Variants in RSF1 observed in about 807,000 individuals in gnomAD.
The protein encoded by RSF1 is HBV pX-associated protein 8.
RSF1 carries 13 observed loss-of-function variants against 145.2 expected under a neutral mutation model. The observed-to-expected ratio is 0.09, with a 90% CI of 0.06 to 0.14. RSF1 has a LOEUF of 0.14. RSF1 is among the 10% of genes least tolerant of loss of function. The pLI is 1.00. For synonymous variants in RSF1, 577 were observed against 592.6 expected, an observed-to-expected ratio of 0.97 and a Z score of 0.38; for missense variants, 1,517 against 1,718.2, an observed-to-expected ratio of 0.88 and a Z score of 2.07.
rs967117977 is a variant in RSF1, at chr11:77,661,522, G to C, written c.*5395C>G. 6.6e-6 allele frequency: 1 copy of C among 151,714 alleles called. No homozygotes were observed. The highest frequency in any genetic ancestry group is 1.5e-5 in the Non-Finnish European group (1 of 67,942). The allele number at this position is 151,714 out of a possible 1,614,324, so 9.4% of individuals were successfully genotyped here. ...ACAGGGCTTGTTACTCTAATTTCAA[G>C]GCTTGTCCACATAGCAGTTGACATG... On this transcript the variant is annotated 3_prime_UTR_variant, in exon 16 of 16. Transcript: ENST00000308488.
chr11:77,837,931 G>T, the RSF1 span, among the ~76,000 whole-genome samples: 1 of 152,078 alleles, frequency 6.6e-6, no homozygotes, highest in Admixed American at 6.6e-5. Context: ...AAATTAGCTG[G>T]ATATGGTGCC....
intron 1 of RSF1, among the ~76,000 whole-genome samples, chr11:77,810,654 G>A (rs1366680998): frequency 6.6e-6 from 1 of 152,104 alleles, no homozygotes; most frequent in Non-Finnish European, 1.5e-5. Flanking sequence ...TCTGCCTCCT[G>A]GGTTCAAGCA....
chr11:77,673,963 G>A lies in RSF1; in HGVS notation c.3562+1073C>T, dbSNP rs73506734. On this transcript the variant is annotated intron_variant, in intron 14 of 15. Coordinates refer to ENST00000308488, the MANE Select transcript of RSF1 (RefSeq NM_016578.4). ...AGATGTGAATAAACGCATAGCCCTGGAATGGATCCTGGGTTAGGAAAAGAA... is the reference window on the plus strand; with the variant it reads ...AGATGTGAATAAACGCATAGCCCTGAAATGGATCCTGGGTTAGGAAAAGAA... Among the ~76,000 whole-genome samples the A allele has an allele frequency of 1.9e-3, 288 of 152,186 alleles. 2 individuals carry two copies. Among genetic ancestry groups the A allele is most frequent in the Middle Eastern group, 6.8e-3 (2 of 294 alleles).
intron 4 of RSF1, among the ~76,000 whole-genome samples, chr11:77,727,951 A>T (rs1401681713): frequency 6.6e-6 from 1 of 152,250 alleles, no homozygotes; most frequent in Non-Finnish European, 1.5e-5. Flanking sequence ...TGAACAATTT[A>T]AAAAATCCTA....
chr11:77,676,279 CT>C (rs72097709), intron 13 of RSF1, among the ~76,000 whole-genome samples: 2,527 of 145,134 alleles, frequency 0.017, 16 homozygotes, highest in Non-Finnish European at 0.024. Context: ...TGCAGAATGA[CT>C]TTTTTTTTTT....
intron 5 of RSF1, chr11:77,717,648 G>A (rs1385947659): frequency 2.0e-5 from 3 of 152,154 alleles, no homozygotes; most frequent in Admixed American, 6.6e-5. Flanking sequence ...ATTTATTAAT[G>A]AACACATTGA....
intron 4 of RSF1, among the ~76,000 whole-genome samples, chr11:77,727,045 G>C (rs1278375365): frequency 6.6e-6 from 1 of 152,090 alleles, no homozygotes; most frequent in Non-Finnish European, 1.5e-5. Context: ...AAACATACAT[G>C]TTCATACATA....
At chr11:77,824,896 T>C (rs1291440896), upstream of RSF1, among the ~76,000 whole-genome samples, 1 of 152,230 alleles carries the variant, frequency 6.6e-6, no homozygotes, top group African/African-American at 2.4e-5. Flanking sequence ...TTAGCATTGG[T>C]ACCAGTCTGC....
rs533360579 is a variant in RSF1, at chr11:77,685,695, T to C, written c.2901-536A>G. On this transcript the variant is annotated intron_variant, in intron 9 of 15. Transcript: ENST00000308488. ...ATAACAATATCTTTCAGAAATGACT[T>C]ACATTGGTGAAATAAAACCTATAAC... Among the ~76,000 whole-genome samples the C allele has an allele frequency of 2.8e-3, 430 of 152,306 alleles. 26 individuals are homozygous for C. Among genetic ancestry groups the C allele is most frequent in the Middle Eastern group, 6.8e-3 (2 of 294 alleles).
upstream of RSF1, chr11:77,820,838 G>A (rs11237304): frequency 3.9e-4 from 398 of 1,017,610 alleles, 4 homozygotes; most frequent in African/African-American, 6.3e-3. Flanking sequence ...GCGGATCCCA[G>A]CGTCTCAGGG....
At chr11:77,777,812 C>T (rs1948357739) in intron 1 of RSF1, among the ~76,000 whole-genome samples, 1 of 151,608 alleles carries the variant, frequency 6.6e-6, no homozygotes, top group African/African-American at 2.4e-5. Context: ...TAACAAGACC[C>T]TGTCTCAAAC....
chr11:77,734,947 A>G, intron 4 of RSF1: 1 of 1,595,530 alleles, frequency 6.3e-7, no homozygotes, highest in East Asian at 2.2e-5. Context: ...ACAGAGCTCT[A>G]GGTTGATCTG....
intron 7 of RSF1, among the ~76,000 whole-genome samples, chr11:77,695,229 T>G (rs1159734707): frequency 6.6e-6 from 1 of 152,128 alleles, no homozygotes; most frequent in Non-Finnish European, 1.5e-5. Flanking sequence ...TTGGGGGAGA[T>G]GCACTGAAGC....
intron 1 of RSF1, among the ~76,000 whole-genome samples, chr11:77,803,639 C>T (rs899333470): frequency 1.3e-5 from 2 of 151,636 alleles, no homozygotes; most frequent in Admixed American, 6.6e-5. Flanking sequence ...ATTAGCCGGG[C>T]ATGGTGGTGC....
intron 3 of RSF1, among the ~76,000 whole-genome samples, chr11:77,744,861 A>C (rs556307407): frequency 6.6e-6 from 1 of 152,238 alleles, no homozygotes; most frequent in Non-Finnish European, 1.5e-5. Context: ...TTTAGAAGAC[A>C]TTGAGAAGGA....
the RSF1 span, among the ~76,000 whole-genome samples, chr11:77,855,987 T>G: frequency 6.6e-6 from 1 of 152,064 alleles, no homozygotes; most frequent in African/African-American, 2.4e-5. Flanking sequence ...TGTGTGGTGG[T>G]GTGCACCTGT....
intron 1 of RSF1, among the ~76,000 whole-genome samples, chr11:77,800,853 C>G (rs145723814): frequency 2.4e-4 from 37 of 151,812 alleles, no homozygotes; most frequent in Non-Finnish European, 4.1e-4. Context: ...CAGTGAGACT[C>G]TGTCTCTTCA....
chr11:77,681,480 A>C (rs1451638512), intron 11 of RSF1, among the ~76,000 whole-genome samples: 2 of 151,800 alleles, frequency 1.3e-5, no homozygotes, highest in African/African-American at 2.4e-5. Flanking sequence ...GAGTCTCTCT[A>C]TGATGCCCAG....
At chr11:77,741,008 C>T (rs574688606) in intron 3 of RSF1, 72 bp from the exon 4 acceptor site, 62 of 1,125,488 alleles carry the variant, frequency 5.5e-5, no homozygotes, top group Non-Finnish European at 7.0e-5. Flanking sequence ...ATGATACAAC[C>T]GTAGAATTGA....
Sources: gnomAD v4.1 joint callset for allele counts (sites outside exome capture counted in the v4.1 genomes callset) on GRCh38, gnomAD v4.1.1 for gene constraint, MANE v1.5 for transcripts, NCBI Gene and HGNC (gene_info 2026-07-23, HGNC 2026-07-21) for gene names.